GADL1: variants seen among roughly 807,000 people sequenced by gnomAD.
The protein encoded by GADL1 is GAD like acidic amino acid decarboxylase 1.
A neutral mutation model predicts 69.5 loss-of-function variants in GADL1; 71 were observed. The ratio of observed to expected loss-of-function variants is 1.02; its 90% CI spans 0.84 to 1.25. GADL1 has a LOEUF of 1.25. Ranked by LOEUF, GADL1 falls within the 50% of genes most tolerant of loss-of-function variation. The probability of loss-of-function intolerance (pLI) is 0.00; values close to 1 mark genes in which losing one functional copy is unlikely to be tolerated. For synonymous variants in GADL1, 254 were observed against 214.4 expected, an observed-to-expected ratio of 1.18 and a Z score of -1.62; for missense variants, 737 against 631.8, an observed-to-expected ratio of 1.17 and a Z score of -1.79.
chr3:30,861,840 A>T, intron 1 of GADL1, 75 bp from the exon 2 acceptor site: 2 of 880,084 alleles, frequency 2.3e-6, no homozygotes, highest in Non-Finnish European at 3.4e-6. Context: ...GACAAAATGC[A>T]TCACTATCCC....
chr3:30,866,098 G>A (rs1698399079), intron 1 of GADL1, among the ~76,000 whole-genome samples: 1 of 152,006 alleles, frequency 6.6e-6, no homozygotes, highest in Non-Finnish European at 1.5e-5. Context: ...TTAAAACAGT[G>A]TCTGGTACAT....
intron 11 of GADL1, 84 bp from the exon 12 acceptor site, chr3:30,801,172 T>C: frequency 2.0e-6 from 2 of 982,524 alleles, no homozygotes; most frequent in Non-Finnish European, 3.1e-6. Context: ...ACACACAATG[T>C]GTATATTCTA....
intron 14 of GADL1, among the ~76,000 whole-genome samples, chr3:30,769,517 C>CT (rs1696367600): frequency 6.6e-6 from 1 of 151,612 alleles, no homozygotes; most frequent in African/African-American, 2.4e-5. Context: ...CCCCCTGTGC[C>CT]TGCCTCTTTG....
chr3:30,788,023 C>T (rs899244124), intron 12 of GADL1, among the ~76,000 whole-genome samples: 20 of 152,048 alleles, frequency 1.3e-4, no homozygotes, highest in African/African-American at 3.9e-4. Context: ...AATCCTTGAG[C>T]GATAACGTGA....
chr3:30,747,566 A>T (rs1357785820), intron 14 of GADL1, among the ~76,000 whole-genome samples: 1 of 152,226 alleles, frequency 6.6e-6, no homozygotes, highest in Non-Finnish European at 1.5e-5. Context: ...TTCTTTGGAA[A>T]AGACAGTCTC....
At chr3:30,768,561 A>AGGGGT (rs1696342111) in intron 14 of GADL1, among the ~76,000 whole-genome samples, 1 of 62,728 alleles carries the variant, frequency 1.6e-5, no homozygotes, top group Non-Finnish European at 3.7e-5. Flanking sequence ...GGGAGAGAGA[A>AGGGGT]GGGGTGGGGA....
At chr3:30,835,670 C>A (rs1334885140) in intron 9 of GADL1, among the ~76,000 whole-genome samples, 1 of 151,950 alleles carries the variant, frequency 6.6e-6, no homozygotes, top group Non-Finnish European at 1.5e-5. Context: ...AAAATTTGAG[C>A]CCTGCCAACC....
At chr3:30,880,893 T>G (rs1400957018) in intron 1 of GADL1, among the ~76,000 whole-genome samples, 1 of 151,966 alleles carries the variant, frequency 6.6e-6, no homozygotes, top group Non-Finnish European at 1.5e-5. Context: ...CCTAAAAAAT[T>G]ATATGCAGTA....
intron 14 of GADL1, among the ~76,000 whole-genome samples, chr3:30,767,973 TTAA>T (rs1355144706): frequency 6.8e-6 from 1 of 146,542 alleles, no homozygotes; most frequent in African/African-American, 2.8e-5. Flanking sequence ...CTACCAACAA[TTAA>T]TAAATATGTG....
chr3:30,853,098 T>C (rs1160773631), intron 4 of GADL1, among the ~76,000 whole-genome samples: 1 of 152,254 alleles, frequency 6.6e-6, no homozygotes, highest in East Asian at 1.9e-4. Flanking sequence ...GTTTTTTTCC[T>C]TCTATTCTCG....
chr3:30,830,158 C>A (rs1697763807), intron 11 of GADL1, among the ~76,000 whole-genome samples: 1 of 151,832 alleles, frequency 6.6e-6, no homozygotes, highest in South Asian at 2.1e-4. Context: ...ATTTGACCTA[C>A]CTCCCCTAAA....
At chr3:30,849,868 A>C (rs1351444632) in intron 6 of GADL1, 128 bp downstream of exon 6, 1 of 562,202 alleles carries the variant, frequency 1.8e-6, no homozygotes, top group African/African-American at 1.9e-5. Flanking sequence ...GGAATGAAAT[A>C]CTATGTTATA....
At chr3:30,798,036 C>T (rs1407061811) in intron 12 of GADL1, 1 of 152,164 alleles carries the variant, frequency 6.6e-6, no homozygotes, top group Non-Finnish European at 1.5e-5. Context: ...AGTGTGACAA[C>T]AATTTTATTT....
At chr3:30,769,441 T>TCCTCA (rs1696365081) in intron 14 of GADL1, among the ~76,000 whole-genome samples, 5 of 152,132 alleles carry the variant, frequency 3.3e-5, no homozygotes, top group Admixed American at 3.3e-4. Context: ...AAGCTGAGGA[T>TCCTCA]GATTCCTATC....
intron 14 of GADL1, among the ~76,000 whole-genome samples, chr3:30,731,541 C>T (rs76147930): frequency 3.3e-5 from 5 of 152,256 alleles, no homozygotes; most frequent in African/African-American, 4.8e-5. Context: ...GAAGAGGGCA[C>T]CTCAGATGTT....
chr3:30,889,988 A>T (rs1445920958), intron 1 of GADL1, among the ~76,000 whole-genome samples: 6 of 152,192 alleles, frequency 3.9e-5, no homozygotes, highest in Admixed American at 3.3e-4. Context: ...ACCTCTTGCA[A>T]TGTGTAGTCA....
chr3:30,810,138 C>T (rs1697324012), intron 11 of GADL1, among the ~76,000 whole-genome samples: 1 of 152,146 alleles, frequency 6.6e-6, no homozygotes, highest in African/African-American at 2.4e-5. Context: ...TTATTTTGAT[C>T]TCCAGTTTCT....
intron 11 of GADL1, among the ~76,000 whole-genome samples, chr3:30,815,779 G>A (rs533781535): frequency 6.6e-6 from 1 of 152,268 alleles, no homozygotes; most frequent in South Asian, 2.1e-4. Flanking sequence ...TCTGTACACT[G>A]TTACGGCTTT....
chr3:30,785,653 C>T (rs1696772541), intron 13 of GADL1, among the ~76,000 whole-genome samples: 1 of 152,136 alleles, frequency 6.6e-6, no homozygotes, highest in African/African-American at 2.4e-5. Flanking sequence ...GAATTACAGG[C>T]GTGAGCCACT....
Sources: allele counts gnomAD v4.1 joint callset (sites outside exome capture counted in the v4.1 genomes callset), GRCh38; gene constraint gnomAD v4.1.1; transcripts MANE v1.5; gene names NCBI Gene and HGNC (gene_info 2026-07-23, HGNC 2026-07-21).